Variants in SCG5 observed in about 807,000 individuals in gnomAD.
SCG5 encodes the protein secretogranin V.
SCG5 carries 18 observed loss-of-function variants against 25.7 expected under a neutral mutation model. That is an observed-to-expected ratio of 0.70 (90% CI 0.48 to 1.04). The LOEUF is 1.04. Ranked by LOEUF, SCG5 falls within the 50% of genes least tolerant of loss-of-function variation. The probability of loss-of-function intolerance (pLI) is 0.00; values close to 1 mark genes in which losing one functional copy is unlikely to be tolerated. For missense variants in SCG5, 206 were observed against 259.8 expected, an observed-to-expected ratio of 0.79 and a Z score of 1.42; for synonymous variants, 101 against 91.7, an observed-to-expected ratio of 1.10 and a Z score of -0.58.
At chr15:32,675,863 G>A (rs1448425491) in intron 2 of SCG5, among the ~76,000 whole-genome samples, 1 of 152,142 alleles carries the variant, frequency 6.6e-6, no homozygotes, top group East Asian at 1.9e-4. Context: ...ACCTAGCCCA[G>A]GTTTTGATTA....
intron 2 of SCG5, among the ~76,000 whole-genome samples, chr15:32,647,590 G>A (rs1015175435): frequency 6.6e-6 from 1 of 151,830 alleles, no homozygotes; most frequent in Non-Finnish European, 1.5e-5. Flanking sequence ...ACCTTTCACA[G>A]CTGCCTTTCA....
intron 4 of SCG5, among the ~76,000 whole-genome samples, chr15:32,691,069 C>T (rs1267464800): frequency 6.6e-6 from 1 of 152,146 alleles, no homozygotes; most frequent in East Asian, 1.9e-4. Flanking sequence ...GTTTGAAATA[C>T]AGCAATGTGT....
chr15:32,688,967 A>AAAG (rs1391213315), intron 4 of SCG5, among the ~76,000 whole-genome samples: 6 of 151,366 alleles, frequency 4.0e-5, no homozygotes, highest in South Asian at 2.1e-4. Flanking sequence ...TCAAAAAAAA[A>AAAG]AAAAAAAGAA....
intron 1 of SCG5, 76 bp downstream of exon 1, chr15:32,641,854 T>C (rs1310259076): frequency 6.6e-6 from 1 of 152,224 alleles, no homozygotes; most frequent in African/African-American, 2.4e-5. Flanking sequence ...TGGGAGGGCG[T>C]CCTGCTAAAA....
intron 2 of SCG5, among the ~76,000 whole-genome samples, chr15:32,668,442 A>G (rs909029208): frequency 1.3e-5 from 2 of 152,216 alleles, no homozygotes; most frequent in African/African-American, 4.8e-5. Context: ...CTACAGACAT[A>G]TGGGTGGAAG....
At chr15:32,656,789 T>G (rs1232710574) in intron 2 of SCG5, among the ~76,000 whole-genome samples, 1 of 152,194 alleles carries the variant, frequency 6.6e-6, no homozygotes, top group Admixed American at 6.5e-5. Flanking sequence ...AAGAGAACTG[T>G]CGAAGGCGGC....
At chr15:32,650,189 C>T (rs1465555627) in intron 2 of SCG5, among the ~76,000 whole-genome samples, 1 of 152,202 alleles carries the variant, frequency 6.6e-6, no homozygotes, top group African/African-American at 2.4e-5. Context: ...CTCTGCCCTC[C>T]CAGGTTCATG....
At chr15:32,648,864 C>T (rs1052238670) in intron 2 of SCG5, among the ~76,000 whole-genome samples, 3 of 151,988 alleles carry the variant, frequency 2.0e-5, no homozygotes, top group Non-Finnish European at 4.4e-5. Flanking sequence ...CTCCGCCTCC[C>T]GGGTTCTCGC....
intron 5 of SCG5, 133 bp downstream of exon 5, chr15:32,691,896 A>G (rs1182125975): frequency 4.0e-6 from 6 of 1,501,296 alleles, no homozygotes; most frequent in Non-Finnish European, 3.6e-6. Flanking sequence ...ACACTGGTCC[A>G]TGTGACAAGG....
intron 3 of SCG5, among the ~76,000 whole-genome samples, chr15:32,680,478 G>A (rs1182800412): frequency 4.0e-5 from 6 of 151,800 alleles, no homozygotes; most frequent in Non-Finnish European, 1.5e-5. Context: ...GATTACAGTC[G>A]TGAGCCACTG....
intron 2 of SCG5, chr15:32,673,028 A>G (rs2054464550): frequency 6.6e-6 from 1 of 152,050 alleles, no homozygotes; most frequent in South Asian, 2.1e-4. Flanking sequence ...AGCCCCAGCC[A>G]GGAGAGCCGT....
At chr15:32,682,773 CA>C (rs1209699785) in intron 3 of SCG5, among the ~76,000 whole-genome samples, 2 of 152,188 alleles carry the variant, frequency 1.3e-5, no homozygotes, top group African/African-American at 4.8e-5. Flanking sequence ...CACAGTTGAG[CA>C]ATCCAAGAAT....
intron 2 of SCG5, among the ~76,000 whole-genome samples, chr15:32,678,641 G>C (rs2054567278): frequency 6.6e-6 from 1 of 152,160 alleles, no homozygotes; most frequent in Non-Finnish European, 1.5e-5. Context: ...ACAATATCAA[G>C]AGTCATTAAA....
At chr15:32,695,148 T>C (rs920705023) in intron 5 of SCG5, among the ~76,000 whole-genome samples, 1 of 152,094 alleles carries the variant, frequency 6.6e-6, no homozygotes, top group African/African-American at 2.4e-5. Context: ...CCCAAGTAGC[T>C]GGGACTACAG....
At chr15:32,673,775 C>T (rs944727370) in intron 2 of SCG5, among the ~76,000 whole-genome samples, 1 of 152,060 alleles carries the variant, frequency 6.6e-6, no homozygotes, top group Non-Finnish European at 1.5e-5. Flanking sequence ...ACTTTGCCGC[C>T]CAGGCTGGAG....
rs1267655936 is a variant in SCG5, at chr15:32,643,785, G to C, written c.193G>C (p.Ala65Pro). Reference sequence around the variant, plus strand: ...CCGAGTGGAATATCCAGCTCACCAGGCCATGAATCTTGTGGGCCCCCAGAG... The same window carrying C: ...CCGAGTGGAATATCCAGCTCACCAGCCCATGAATCTTGTGGGCCCCCAGAG... ...RPRVEYPAHQ[A>P]MNLVGPQSIE... is the part of the protein sequence containing the mutation. Residue 65 changes from alanine (A) to proline (P), a missense_variant, in exon 2 of 6, where the codon GCC becomes CCC. Transcript: ENST00000300175. 6.2e-7 allele frequency: 1 copy of C among 1,613,836 alleles called. No homozygotes were observed. Among genetic ancestry groups the C allele is most frequent in the East Asian group, 2.2e-5 (1 of 44,882 alleles).
intron 2 of SCG5, among the ~76,000 whole-genome samples, chr15:32,665,225 G>A (rs1278368377): frequency 6.6e-6 from 1 of 152,098 alleles, no homozygotes; most frequent in Admixed American, 6.5e-5. Flanking sequence ...GAAACAATTA[G>A]AATAACACAG....
At chr15:32,681,833 T>C (rs2054625910) in intron 3 of SCG5, among the ~76,000 whole-genome samples, 1 of 152,152 alleles carries the variant, frequency 6.6e-6, no homozygotes, top group Non-Finnish European at 1.5e-5. Flanking sequence ...GAGACTGTCT[T>C]AGAAAATATG....
chr15:32,695,290 C>T (rs2140621930), intron 5 of SCG5, among the ~76,000 whole-genome samples: 1 of 152,268 alleles, frequency 6.6e-6, no homozygotes, highest in East Asian at 1.9e-4. Context: ...GCTGGGATTA[C>T]AGGCGTGAGC....
Sources: gnomAD v4.1 joint callset for allele counts (sites outside exome capture counted in the v4.1 genomes callset) on GRCh38, gnomAD v4.1.1 for gene constraint, MANE v1.5 for transcripts, NCBI Gene and HGNC (gene_info 2026-07-23, HGNC 2026-07-21) for gene names.